Variants in CABCOCO1 observed in about 807,000 individuals in gnomAD.
CABCOCO1 encodes the protein ciliary-associated calcium-binding coiled-coil protein 1.
CABCOCO1 carries 28 observed loss-of-function variants against 35.7 expected under a neutral mutation model. The observed-to-expected ratio is 0.78, with a 90% CI of 0.58 to 1.07. The LOEUF (loss-of-function observed/expected upper bound fraction) is 1.07, where lower values mean the gene tolerates loss of function less well. Ranked by LOEUF, CABCOCO1 falls within the 50% of genes least tolerant of loss-of-function variation. CABCOCO1 has a pLI of 0.00. For missense variants in CABCOCO1, 326 were observed against 309.2 expected (o/e 1.05, Z -0.41); for synonymous variants, 95 against 100.1 (o/e 0.95, Z 0.30).
chr10:61,680,421 TA>T (rs1196554655), intron 2 of CABCOCO1, among the ~76,000 whole-genome samples: 1 of 126,674 alleles, frequency 7.9e-6, no homozygotes, highest in African/African-American at 2.9e-5. Flanking sequence ...ATATAATATA[TA>T]TTTATATATT....
intron 2 of CABCOCO1, among the ~76,000 whole-genome samples, chr10:61,680,671 CATATATGTTATACATGTATAACATAT>C (rs1354652515): frequency 3.7e-5 from 2 of 53,462 alleles, no homozygotes; most frequent in East Asian, 4.8e-4. Context: ...ACATGTATAA[CATATATGTTATACATGTATAACATAT>C]ATATGTTATA....
intron 5 of CABCOCO1, among the ~76,000 whole-genome samples, chr10:61,748,143 G>C (rs1841704023): frequency 6.7e-6 from 1 of 148,368 alleles, no homozygotes; most frequent in African/African-American, 2.5e-5. Flanking sequence ...GGGAGGTGAA[G>C]AGCAGGGAGA....
chr10:61,692,733 T>A (rs1037892277), intron 5 of CABCOCO1, among the ~76,000 whole-genome samples: 7 of 152,160 alleles, frequency 4.6e-5, no homozygotes, highest in Non-Finnish European at 1.0e-4. Flanking sequence ...CAAGGAACCC[T>A]TTTTGCTTCT....
chr10:61,739,764 A>T (rs1209096807), intron 5 of CABCOCO1, among the ~76,000 whole-genome samples: 1 of 152,114 alleles, frequency 6.6e-6, no homozygotes, highest in Non-Finnish European at 1.5e-5. Context: ...AACACAGTGA[A>T]ACCCTGTCTC....
intron 5 of CABCOCO1, among the ~76,000 whole-genome samples, chr10:61,741,421 G>A (rs910346226): frequency 2.6e-5 from 4 of 152,128 alleles, no homozygotes; most frequent in African/African-American, 9.7e-5. Context: ...TGGTGAATGA[G>A]TGCCACCTAT....
In CABCOCO1 at chr10:61,664,423, T is replaced by A. The variant is rs932249530; in HGVS notation, c.60+1391T>A. Among the ~76,000 whole-genome samples the A allele has an allele frequency of 2.6e-5, 4 of 152,188 alleles. No homozygotes were observed. The East Asian group carries it at 5.8e-4, about 22-fold the overall frequency. On this transcript the variant is annotated intron_variant, in intron 1 of 7. Transcript: ENST00000648843. Reference sequence around the variant, plus strand: ...GACTTTAAAAAAATACAAAATTTTTTAAAAGATGTAAAGAAGTGCTATGCT... The same window carrying A: ...GACTTTAAAAAAATACAAAATTTTTAAAAAGATGTAAAGAAGTGCTATGCT...
At chr10:61,680,590 TATGTTATACATGTATAACATGTTATAC>T in intron 2 of CABCOCO1, among the ~76,000 whole-genome samples, 1 of 53,394 alleles carries the variant, frequency 1.9e-5, no homozygotes, top group Non-Finnish European at 3.8e-5. Context: ...ATATATAACA[TATGTTATACATGTATAACATGTTATAC>T]ATAACATATA....
intron 7 of CABCOCO1, among the ~76,000 whole-genome samples, chr10:61,762,401 A>G (rs1310292850): frequency 4.6e-5 from 7 of 152,086 alleles, no homozygotes; most frequent in Non-Finnish European, 2.9e-5. Flanking sequence ...CCATCCTGGA[A>G]GTTCAATAGC....
intron 5 of CABCOCO1, among the ~76,000 whole-genome samples, chr10:61,706,266 A>G (rs930196922): frequency 1.3e-5 from 2 of 152,240 alleles, no homozygotes; most frequent in African/African-American, 4.8e-5. Context: ...CGAACACCAT[A>G]CCGTGTATTA....
chr10:61,687,912 GAT>G (rs1840014828), intron 4 of CABCOCO1, among the ~76,000 whole-genome samples: 1 of 152,084 alleles, frequency 6.6e-6, no homozygotes, highest in Non-Finnish European at 1.5e-5. Flanking sequence ...CAGTTAGTAG[GAT>G]ATCTGGAATT....
At chr10:61,749,510 T>C (rs983801609) in intron 5 of CABCOCO1, among the ~76,000 whole-genome samples, 1 of 152,242 alleles carries the variant, frequency 6.6e-6, no homozygotes, top group African/African-American at 2.4e-5. Flanking sequence ...TTCATTGACT[T>C]ATTTTGGAAC....
chr10:61,765,856 C>A, intron 7 of CABCOCO1, 83 bp from the exon 8 acceptor site: 1 of 1,280,208 alleles, frequency 7.8e-7, no homozygotes, highest in Non-Finnish European at 1.1e-6. Context: ...TCTTTAGGCA[C>A]TATAGTATGT....
intron 5 of CABCOCO1, among the ~76,000 whole-genome samples, chr10:61,731,916 T>C (rs1260131427): frequency 6.6e-6 from 1 of 152,068 alleles, no homozygotes; most frequent in Non-Finnish European, 1.5e-5. Context: ...GAGTGATTGA[T>C]ATCAAGCCAT....
At chr10:61,743,790 C>T (rs565488817) in intron 5 of CABCOCO1, among the ~76,000 whole-genome samples, 1 of 152,270 alleles carries the variant, frequency 6.6e-6, no homozygotes, top group Admixed American at 6.5e-5. Context: ...CATGCTAACT[C>T]CTATTTCTCC....
intron 5 of CABCOCO1, among the ~76,000 whole-genome samples, chr10:61,739,606 T>G (rs899130846): frequency 9.2e-5 from 14 of 152,092 alleles, no homozygotes; most frequent in African/African-American, 3.1e-4. Flanking sequence ...TTGCTAAGTT[T>G]TTTTTTTTAA....
intron 3 of CABCOCO1, among the ~76,000 whole-genome samples, chr10:61,682,153 C>T (rs1343027421): frequency 6.6e-6 from 1 of 152,122 alleles, no homozygotes; most frequent in African/African-American, 2.4e-5. Context: ...CTTTTTTAAA[C>T]TTTTCCTGTA....
intron 5 of CABCOCO1, among the ~76,000 whole-genome samples, chr10:61,730,390 A>G (rs1841274580): frequency 1.3e-5 from 2 of 152,182 alleles, no homozygotes; most frequent in Non-Finnish European, 1.5e-5. Flanking sequence ...TGAGCAAAAT[A>G]CATATCCATA....
intron 5 of CABCOCO1, among the ~76,000 whole-genome samples, chr10:61,706,928 C>T (rs1840606625): frequency 6.6e-6 from 1 of 152,124 alleles, no homozygotes; most frequent in East Asian, 1.9e-4. Context: ...GGATGCTGTG[C>T]CATCCCCGTT....
chr10:61,667,010 T>A (rs940938019), intron 1 of CABCOCO1, among the ~76,000 whole-genome samples: 4 of 134,918 alleles, frequency 3.0e-5, no homozygotes, highest in African/African-American at 1.1e-4. Flanking sequence ...ATAAATTTCA[T>A]ATAGTATATA....
Sources: allele counts gnomAD v4.1 joint callset (sites outside exome capture counted in the v4.1 genomes callset), GRCh38; gene constraint gnomAD v4.1.1; transcripts MANE v1.5; gene names NCBI Gene and HGNC (gene_info 2026-07-23, HGNC 2026-07-21).